SLC15A3: variants seen among roughly 807,000 people sequenced by gnomAD.
The protein encoded by SLC15A3 is osteoclast transporter.
A neutral mutation model predicts 49.2 loss-of-function variants in SLC15A3; 39 were observed. The ratio of observed to expected loss-of-function variants is 0.79; its 90% CI spans 0.61 to 1.04. The LOEUF (loss-of-function observed/expected upper bound fraction) is 1.04. Ranked by LOEUF, SLC15A3 falls within the 50% of genes least tolerant of loss-of-function variation. The pLI, the probability that SLC15A3 is intolerant of heterozygous loss-of-function variation, is 0.00. For synonymous variants in SLC15A3, 339 were observed against 367.0 expected, an observed-to-expected ratio of 0.92 and a Z score of 0.87; for missense variants, 758 against 794.8, an observed-to-expected ratio of 0.95 and a Z score of 0.56.
chr11:60,946,906 C>T (rs906374606), intron 1 of SLC15A3, 85 bp from the exon 2 acceptor site: 12 of 1,451,216 alleles, frequency 8.3e-6, no homozygotes, highest in Middle Eastern at 4.8e-4. Flanking sequence ...TACAGAGACA[C>T]TTCTTGGGTC....
chr11:60,940,905 T>C, intron 5 of SLC15A3: 1 of 439,632 alleles, frequency 2.3e-6, no homozygotes. Flanking sequence ...AAAATATTTG[T>C]TCCTCTCTCG....
Position 60,951,089 on chromosome 11 carries a change from G to GGCTGGGCGAGGAGCGCGGGCA in SLC15A3, c.442_462dup (p.Cys148_Ser154dup). The GGCTGGGCGAGGAGCGCGGGCA allele has an allele frequency of 1.4e-6, 2 of 1,480,246 alleles. No homozygotes were observed. The highest frequency in any genetic ancestry group is 1.8e-6 in the Non-Finnish European group (2 of 1,125,106). 91.7% of individuals were successfully genotyped at this position (1,480,246 alleles called of 1,614,324 possible). A position where few individuals can be genotyped will look rare whatever the true frequency, so the allele number is the denominator to read the frequency against. On this transcript the variant is annotated inframe_insertion, in exon 1 of 8. Transcript: ENST00000227880. Reference sequence around the variant, plus strand: ...GCGTAGAGGACGGGCGCGCAGTAGGGGCTGGGCGAGGAGCGCGGGCAGCCG... The same window carrying GGCTGGGCGAGGAGCGCGGGCA: ...GCGTAGAGGACGGGCGCGCAGTAGGGGCTGGGCGAGGAGCGCGGGCAGCTGGGCGAGGAGCGCGGGCAGCCG...
chr11:60,942,110 G>T lies in SLC15A3; in HGVS notation c.1032C>A (p.Leu344=). 1.2e-6 allele frequency: 2 copies of T among 1,614,098 alleles called. No homozygotes were observed. Among genetic ancestry groups the T allele is most frequent in the Non-Finnish European group, 1.7e-6 (2 of 1,179,960 alleles). ...TGGCTGGGAAAATGTTTGGGATGTG[G>T]AGGTGAAGACCCTGCAGGACATAGG... ...QSTYVLQGLH[L]HIPNIFPANP... Residue 344 remains leucine (L), a synonymous_variant, in exon 4 of 8, where the codon CTC becomes CTA. Coordinates refer to ENST00000227880, the MANE Select transcript of SLC15A3 (RefSeq NM_016582.3).
chr11:60,947,176 A>G (rs535983594), intron 1 of SLC15A3, among the ~76,000 whole-genome samples: 2 of 106,430 alleles, frequency 1.9e-5, no homozygotes, highest in Admixed American at 2.4e-4. Context: ...AGCAACCTAC[A>G]CTATTCATTA....
chr11:60,941,947 A>T, intron 4 of SLC15A3, 88 bp downstream of exon 4: 1 of 1,257,778 alleles, frequency 8.0e-7, no homozygotes, highest in South Asian at 1.2e-5. Flanking sequence ...AGGAAAGGGG[A>T]GTGTGAAGGC....
chr11:60,944,156 C>A lies in SLC15A3; in HGVS notation c.849-320G>T, dbSNP rs374183035. On this transcript the variant is annotated intron_variant, in intron 2 of 7. Coordinates refer to ENST00000227880, the MANE Select transcript of SLC15A3 (RefSeq NM_016582.3). ...CCTGGGCAACAGAGCCAGACTCCCT[C>A]TCAAAAAACAAGCAAACAAACAAAC... Among the ~76,000 whole-genome samples, 72 of 152,292 alleles carry A rather than the reference C, an allele frequency of 4.7e-4. 1 individual carries two copies. The South Asian group carries it at 0.012, about 25-fold the overall frequency.
At chr11:60,938,641 G>A (rs1320030175) in intron 6 of SLC15A3, among the ~76,000 whole-genome samples, 2 of 152,006 alleles carry the variant, frequency 1.3e-5, no homozygotes, top group Non-Finnish European at 2.9e-5. Context: ...AAAGCCCTTC[G>A]ACACTTCGGC....
Position 60,946,794 on chromosome 11 carries a change from G to A in SLC15A3, c.586C>T (p.Arg196Cys), listed in dbSNP as rs757578910. The part of the protein sequence containing the change: ...QVMDLGRDAT[R>C]RFFNWFYWSI... ...CAGTAAAACCAGTTGAAGAAGCGGC[G>A]GGTGGCGTCGCGGCCGAGATCCATC... The change falls in exon 2 of 8, where the codon CGC (arginine) becomes TGC (cysteine). Residue 196 changes from arginine (R) to cysteine (C), a missense_variant. By Grantham distance (180) the Arg-to-Cys change is radical. Transcript: ENST00000227880. The A allele has an allele frequency of 4.7e-5, 76 of 1,612,688 alleles. No individual in the cohort carries two copies. The highest frequency in any genetic ancestry group is 1.7e-4 in the Admixed American group (10 of 59,978).
chr11:60,937,342 G>A lies in SLC15A3; in HGVS notation c.1623C>T (p.Tyr541=). The A allele has an allele frequency of 6.2e-7, 1 of 1,614,168 alleles. No homozygotes were observed. The highest frequency in any genetic ancestry group is 8.5e-7 in the Non-Finnish European group (1 of 1,180,020). ...GNINNCRMDL[Y]FFLLAGIQAV... The stretch of plus-strand genomic sequence containing the variant: ...CCTGAATGCCAGCCAGCAGGAAGAA[G>A]TAGAGGTCCATCCGGCAATTGTTGA... The change falls in exon 8 of 8, where the codon TAC becomes TAT. Residue 541 remains tyrosine, a synonymous_variant. Coordinates refer to ENST00000227880, the MANE Select transcript of SLC15A3 (RefSeq NM_016582.3).
chr11:60,951,279 G>A lies in SLC15A3; in HGVS notation c.273C>T (p.Gly91=). ...GGCCCAGGTACACGTCGGCCAGCCA[G>A]CCGCCCACGGGCGCCAGCAGGTAGG... The part of the protein sequence containing the change: ...GASYLLAPVG[G]WLADVYLGRY... The change falls in exon 1 of 8, where the codon GGC becomes GGT. Residue 91 remains glycine (G), a synonymous_variant. Coordinates refer to ENST00000227880, the MANE Select transcript of SLC15A3 (RefSeq NM_016582.3). The A allele has an allele frequency of 6.6e-7, 1 of 1,516,696 alleles. No homozygotes were observed. The highest frequency in any genetic ancestry group is 8.8e-7 in the Non-Finnish European group (1 of 1,134,766). 94.0% of individuals were successfully genotyped at this position (1,516,696 alleles called of 1,614,324 possible). A position where few individuals can be genotyped will look rare whatever the true frequency, so the allele number is the denominator to read the frequency against.
In SLC15A3 at chr11:60,941,154, A is replaced by T; in HGVS notation, c.1244T>A (p.Met415Lys). ...AATGACGGAGGTAAAACCAAAGAAC[A>T]TCCCCAGCGCCATCTTCTGCAGAGC... ...PSALQKMALGMFFGFTSVIVA... is the reference protein window; with the variant it reads ...PSALQKMALGKFFGFTSVIVA... The change falls in exon 5 of 8, where the codon ATG (methionine) becomes AAG (lysine). Residue 415 changes from methionine (M) to lysine (K), a missense_variant. Physicochemically the swap from Met to Lys is moderately conservative, Grantham distance 95. Coordinates refer to ENST00000227880, the MANE Select transcript of SLC15A3 (RefSeq NM_016582.3). The T allele has an allele frequency of 6.2e-7, 1 of 1,613,774 alleles. No homozygotes were observed. Among genetic ancestry groups the T allele is most frequent in the Non-Finnish European group, 8.5e-7 (1 of 1,179,812 alleles).
intron 2 of SLC15A3, among the ~76,000 whole-genome samples, chr11:60,944,108 AAG>A (rs1326256076): frequency 6.6e-6 from 1 of 152,208 alleles, no homozygotes; most frequent in Non-Finnish European, 1.5e-5. Context: ...GCAGTGAGCC[AAG>A]ACTGTGCCAC....
chr11:60,944,791 G>A (rs1475971180), intron 2 of SLC15A3, among the ~76,000 whole-genome samples: 1 of 152,206 alleles, frequency 6.6e-6, no homozygotes, highest in East Asian at 1.9e-4. Context: ...GGTGGGGGTA[G>A]AGGGAATATC....
Position 60,941,946 on chromosome 11 carries a change from G to T in SLC15A3, c.1107+89C>A, listed in dbSNP as rs1856715619. On this transcript the variant is annotated intron_variant, in intron 4 of 7. Coordinates refer to ENST00000227880, the MANE Select transcript of SLC15A3 (RefSeq NM_016582.3). ...AGGTTGCCTTGCAGGCAGGAAAGGGGAGTGTGAAGGCAGTTTCATTTCCTC... is the reference window on the plus strand; with the variant it reads ...AGGTTGCCTTGCAGGCAGGAAAGGGTAGTGTGAAGGCAGTTTCATTTCCTC... 2.1e-5 allele frequency: 27 copies of T among 1,259,242 alleles called. No individual in the cohort carries two copies. In the South Asian group the frequency reaches 3.1e-4, roughly 14 times the overall value. 78.0% of individuals were successfully genotyped at this position (1,259,242 alleles called of 1,614,324 possible).
Position 60,937,987 on chromosome 11 carries a change from G to GGAGC in SLC15A3, c.1473_1474insGCTC (p.Gln492AlafsTer74), listed in dbSNP as rs1196767803. On this transcript the variant is annotated frameshift_variant, in exon 7 of 8. Coordinates refer to ENST00000227880, the MANE Select transcript of SLC15A3 (RefSeq NM_016582.3). LOFTEE classifies it high-confidence loss of function. Reference sequence around the variant, plus strand: ...AAGAAGATGCCCATGATGGCGCCCTGCATGGAGCGCGGGGCCTCTGAGTAG... The same window carrying GGAGC: ...AAGAAGATGCCCATGATGGCGCCCTGGAGCCATGGAGCGCGGGGCCTCTGAGTAG... 2 of 1,614,080 alleles carry GGAGC rather than the reference G, an allele frequency of 1.2e-6. No individual in the cohort carries two copies. Among genetic ancestry groups the GGAGC allele is most frequent in the South Asian group, 2.2e-5 (2 of 91,062 alleles).
intron 4 of SLC15A3, 181 bp from the exon 5 acceptor site, chr11:60,941,471 G>C (rs1327671467): frequency 1.8e-6 from 1 of 553,674 alleles, no homozygotes; most frequent in African/African-American, 1.9e-5. Flanking sequence ...ATGGCAAATA[G>C]GTTCCTCTTG....
Position 60,945,518 on chromosome 11 carries a change from C to T in SLC15A3, c.848+1014G>A, listed in dbSNP as rs144658662. 1.8e-3 allele frequency among the ~76,000 whole-genome samples: 272 copies of T among 152,342 alleles called. 1 individual carries two copies. Among genetic ancestry groups the T allele is most frequent in the African/African-American group, 6.4e-3 (265 of 41,572 alleles). On this transcript the variant is annotated intron_variant, in intron 2 of 7. Transcript: ENST00000227880. ...AGGTAATGAAAACCACCACACTTCT[C>T]GGCTCCTGACAACTTACAAACCTCT...
At chr11:60,943,538 G>A in intron 3 of SLC15A3, 151 bp downstream of exon 3, 2 of 777,900 alleles carry the variant, frequency 2.6e-6, no homozygotes, top group Non-Finnish European at 3.6e-6. Flanking sequence ...TTTGTGCCAG[G>A]CCCCATGCTA....
intron 2 of SLC15A3, among the ~76,000 whole-genome samples, chr11:60,945,856 C>G (rs976157964): frequency 1.3e-5 from 2 of 152,054 alleles, no homozygotes; most frequent in African/African-American, 4.8e-5. Context: ...AAACATCATC[C>G]CCATCATCCT....
Sources: allele counts gnomAD v4.1 joint callset (sites outside exome capture counted in the v4.1 genomes callset), GRCh38; gene constraint gnomAD v4.1.1; transcripts MANE v1.5; gene names NCBI Gene and HGNC (gene_info 2026-07-23, HGNC 2026-07-21).